The following ZNF804A variants were observed in gnomAD, a reference collection of about 807,000 sequenced individuals.
The protein encoded by ZNF804A is zinc finger protein 804A.
In ZNF804A, 2 loss-of-function variants were observed where a neutral mutation model predicts 16.5. That is an observed-to-expected ratio of 0.12 (90% CI 0.05 to 0.38). The LOEUF (loss-of-function observed/expected upper bound fraction) is 0.38. Among genes scored for constraint, ZNF804A ranks in the 10% least tolerant of loss-of-function variants. The pLI is 0.99. For synonymous variants in ZNF804A, 534 were observed against 489.6 expected, an observed-to-expected ratio of 1.09 and a Z score of -1.20; for missense variants, 1,473 against 1,390.7, an observed-to-expected ratio of 1.06 and a Z score of -0.94.
chr2:184,635,906 G>T (rs1249765596), intron 1 of ZNF804A, among the ~76,000 whole-genome samples: 1 of 152,038 alleles, frequency 6.6e-6, no homozygotes, highest in Non-Finnish European at 1.5e-5. Flanking sequence ...CATCTATTGT[G>T]CCTGATGGGA....
At chr2:184,661,503 G>A (rs1400885859) in intron 1 of ZNF804A, among the ~76,000 whole-genome samples, 1 of 152,316 alleles carries the variant, frequency 6.6e-6, no homozygotes, top group Non-Finnish European at 1.5e-5. Context: ...TGTGAGAGAG[G>A]ACCCTAAAAG....
chr2:184,777,698 C>T (rs1221169697), intron 1 of ZNF804A, among the ~76,000 whole-genome samples: 2 of 151,678 alleles, frequency 1.3e-5, no homozygotes, highest in African/African-American at 4.8e-5. Context: ...TTTATAGCTT[C>T]ACCCTTCATT....
At chr2:184,856,692 A>G (rs1467436989) in intron 1 of ZNF804A, among the ~76,000 whole-genome samples, 2 of 152,134 alleles carry the variant, frequency 1.3e-5, no homozygotes, top group African/African-American at 4.8e-5. Context: ...GGTTCAGTAT[A>G]TTCAAACTTT....
intron 1 of ZNF804A, among the ~76,000 whole-genome samples, chr2:184,625,879 T>A (rs1446850532): frequency 6.6e-6 from 1 of 151,972 alleles, no homozygotes; most frequent in East Asian, 1.9e-4. Context: ...TTATTTATTA[T>A]TTTTTTTGAG....
chr2:184,827,390 C>A, intron 1 of ZNF804A, among the ~76,000 whole-genome samples: 1 of 146,102 alleles, frequency 6.8e-6, no homozygotes, highest in African/African-American at 2.5e-5. Context: ...TAACACTCAT[C>A]CATTTAATTA....
intron 1 of ZNF804A, among the ~76,000 whole-genome samples, chr2:184,619,822 A>G (rs1219493846): frequency 1.3e-5 from 2 of 151,918 alleles, no homozygotes; most frequent in East Asian, 1.9e-4. Context: ...TTTTACAAAG[A>G]AGAATAAATA....
At chr2:184,620,508 ACT>A (rs1450093903) in intron 1 of ZNF804A, among the ~76,000 whole-genome samples, 1 of 151,744 alleles carries the variant, frequency 6.6e-6, no homozygotes, top group Non-Finnish European at 1.5e-5. Context: ...GGCAAAACGA[ACT>A]CATCTATTTA....
intron 1 of ZNF804A, among the ~76,000 whole-genome samples, chr2:184,640,409 A>G (rs1475279807): frequency 6.6e-6 from 1 of 152,164 alleles, no homozygotes; most frequent in Admixed American, 6.5e-5. Context: ...GATGAATTCT[A>G]TAAACATTTT....
At chr2:184,701,693 A>T (rs1464258094) in intron 1 of ZNF804A, among the ~76,000 whole-genome samples, 1 of 151,934 alleles carries the variant, frequency 6.6e-6, no homozygotes, top group Non-Finnish European at 1.5e-5. Flanking sequence ...CTCCAGGTTG[A>T]TATCATAAAA....
intron 1 of ZNF804A, among the ~76,000 whole-genome samples, chr2:184,786,255 C>T (rs1192179159): frequency 6.6e-6 from 1 of 151,900 alleles, no homozygotes; most frequent in Non-Finnish European, 1.5e-5. Flanking sequence ...TTGGAATTCT[C>T]AAGCTAATCA....
chr2:184,828,801 A>C (rs1695212857), intron 1 of ZNF804A, among the ~76,000 whole-genome samples: 1 of 151,860 alleles, frequency 6.6e-6, no homozygotes, highest in Admixed American at 6.6e-5. Context: ...TCTAGATTTC[A>C]GTTAAATCTT....
intron 1 of ZNF804A, among the ~76,000 whole-genome samples, chr2:184,684,605 T>C (rs1277189858): frequency 6.6e-6 from 1 of 152,108 alleles, no homozygotes; most frequent in Admixed American, 6.5e-5. Context: ...TACTGGGGGG[T>C]ACATGTGCAG....
At chr2:184,905,406 A>AT (rs112704846) in intron 2 of ZNF804A, among the ~76,000 whole-genome samples, 20 of 151,042 alleles carry the variant, frequency 1.3e-4, no homozygotes, top group African/African-American at 3.6e-4. Context: ...ATATAACAGC[A>AT]TTTTTTTTTA....
At chr2:184,794,738 CAACT>C (rs1360744700) in intron 1 of ZNF804A, among the ~76,000 whole-genome samples, 2 of 152,140 alleles carry the variant, frequency 1.3e-5, no homozygotes, top group African/African-American at 4.8e-5. Flanking sequence ...ATTTACCAAC[CAACT>C]ATCTGCTGCC....
Position 184,923,042 on chromosome 2 carries a change from C to A in ZNF804A, c.256-10561C>A, listed in dbSNP as rs1416649944. 3.3e-5 allele frequency among the ~76,000 whole-genome samples: 5 copies of A among 151,870 alleles called. No homozygotes were observed. In the East Asian group the frequency reaches 9.6e-4, roughly 29 times the overall value. ...TTAGACAACTTTGGTTATTCTGGGT[C>A]TTTTGTGGTTCCATATACATTTTAT... On this transcript the variant is annotated intron_variant, in intron 2 of 3. Coordinates refer to ENST00000302277, the MANE Select transcript of ZNF804A (RefSeq NM_194250.2).
chr2:184,804,908 C>A (rs1267035593), intron 1 of ZNF804A, among the ~76,000 whole-genome samples: 1 of 152,142 alleles, frequency 6.6e-6, no homozygotes, highest in Non-Finnish European at 1.5e-5. Context: ...CCAGACAGAT[C>A]TGGAATACAT....
At chr2:184,709,765 T>C (rs1310426311) in intron 1 of ZNF804A, among the ~76,000 whole-genome samples, 1 of 150,516 alleles carries the variant, frequency 6.6e-6, no homozygotes, top group Non-Finnish European at 1.5e-5. Context: ...AACTTCCTAG[T>C]GTACTGCTTT....
intron 1 of ZNF804A, among the ~76,000 whole-genome samples, chr2:184,780,419 C>T (rs1238263195): frequency 6.6e-6 from 1 of 151,728 alleles, no homozygotes. Context: ...ATTATTCCAT[C>T]TTTTACAGGT....
intron 1 of ZNF804A, among the ~76,000 whole-genome samples, chr2:184,775,492 G>A (rs1283749207): frequency 2.6e-5 from 4 of 151,452 alleles, no homozygotes; most frequent in South Asian, 2.1e-4. Flanking sequence ...GCCATTTCTC[G>A]GTTCTACACT....
Sources: gnomAD v4.1 joint callset for allele counts (sites outside exome capture counted in the v4.1 genomes callset) on GRCh38, gnomAD v4.1.1 for gene constraint, MANE v1.5 for transcripts, NCBI Gene and HGNC (gene_info 2026-07-23, HGNC 2026-07-21) for gene names.